The following PTDSS1 variants were observed in gnomAD, a reference collection of about 807,000 sequenced individuals.
PTDSS1 encodes the protein PSS-1.
A neutral mutation model predicts 70.5 loss-of-function variants in PTDSS1; 45 were observed. The observed-to-expected ratio is 0.64, with a 90% CI of 0.50 to 0.82. The LOEUF is 0.82. Among genes scored for constraint, PTDSS1 ranks in the 40% least tolerant of loss-of-function variants. The pLI is 0.00. For missense variants in PTDSS1, 417 were observed against 586.1 expected (o/e 0.71, Z 2.98); for synonymous variants, 188 against 203.8 (o/e 0.92, Z 0.66).
At chr8:96,278,972 C>CCCCT (rs1554582702) in intron 2 of PTDSS1, among the ~76,000 whole-genome samples, 4 of 122,630 alleles carry the variant, frequency 3.3e-5, no homozygotes, top group African/African-American at 1.3e-4. Flanking sequence ...TTCAGCCCCC[C>CCCCT]TTTTTTTTTT....
chr8:96,282,955 A>G (rs1810761832), intron 2 of PTDSS1, among the ~76,000 whole-genome samples: 1 of 152,080 alleles, frequency 6.6e-6, no homozygotes, highest in African/African-American at 2.4e-5. Flanking sequence ...CTGAGCTTCC[A>G]GAAACAGGCA....
intron 2 of PTDSS1, among the ~76,000 whole-genome samples, chr8:96,279,456 T>TA (rs772460972): frequency 1.1e-3 from 149 of 141,134 alleles, no homozygotes; most frequent in Middle Eastern, 3.6e-3. Flanking sequence ...CTTCTAAATT[T>TA]AAAAAAAAAA....
At chr8:96,274,378 G>T (rs1225578152) in intron 2 of PTDSS1, among the ~76,000 whole-genome samples, 1 of 152,078 alleles carries the variant, frequency 6.6e-6, no homozygotes, top group Admixed American at 6.5e-5. Context: ...TTCCTAAGAT[G>T]GTGGCAGTGG....
chr8:96,315,368 C>T (rs1317912349), intron 9 of PTDSS1, among the ~76,000 whole-genome samples: 1 of 151,710 alleles, frequency 6.6e-6, no homozygotes, highest in East Asian at 1.9e-4. Flanking sequence ...TACCCGGCCT[C>T]CATGTCCATG....
intron 1 of PTDSS1, 62 bp from the exon 2 acceptor site, chr8:96,273,237 T>A: frequency 8.1e-7 from 1 of 1,242,226 alleles, no homozygotes; most frequent in Non-Finnish European, 1.1e-6. Context: ...GAAATCTTCC[T>A]TCCTCTAGGT....
intron 3 of PTDSS1, among the ~76,000 whole-genome samples, chr8:96,284,879 C>T (rs1810800194): frequency 6.6e-6 from 1 of 152,192 alleles, no homozygotes; most frequent in Non-Finnish European, 1.5e-5. Context: ...TTCTAGGTAA[C>T]TCTTAGTCTC....
intron 5 of PTDSS1, among the ~76,000 whole-genome samples, chr8:96,298,572 C>T (rs575351273): frequency 5.6e-4 from 86 of 152,282 alleles, no homozygotes; most frequent in African/African-American, 1.0e-3. Context: ...TCTTCATCTC[C>T]ATCTCATGAA....
At chr8:96,319,495 T>A (rs1586207781) in intron 9 of PTDSS1, among the ~76,000 whole-genome samples, 1 of 150,460 alleles carries the variant, frequency 6.6e-6, no homozygotes, top group Admixed American at 6.6e-5. Flanking sequence ...TGGCGTTTCT[T>A]AAAAAAAAAC....
At chr8:96,284,674 G>A (rs1192969056) in intron 3 of PTDSS1, among the ~76,000 whole-genome samples, 2 of 152,136 alleles carry the variant, frequency 1.3e-5, no homozygotes, top group African/African-American at 4.8e-5. Context: ...ACTTAATTTT[G>A]TAGTCTAAAT....
intron 10 of PTDSS1, among the ~76,000 whole-genome samples, chr8:96,324,772 T>C (rs1811416646): frequency 6.6e-6 from 1 of 152,238 alleles, no homozygotes; most frequent in Non-Finnish European, 1.5e-5. Flanking sequence ...ATTCAAACCA[T>C]AGCAGTCACT....
intron 10 of PTDSS1, among the ~76,000 whole-genome samples, chr8:96,324,733 T>A (rs2130169801): frequency 6.6e-6 from 1 of 152,358 alleles, no homozygotes; most frequent in East Asian, 1.9e-4. Context: ...AGTTGGCAGT[T>A]AAGTTTCGAG....
rs531116642 is a variant in PTDSS1 at position 96,274,618 on chromosome 8, G to A, written c.271+1228G>A. On this transcript the variant is annotated intron_variant, in intron 2 of 12. Coordinates refer to ENST00000517309, the MANE Select transcript of PTDSS1 (RefSeq NM_014754.3). Reference sequence around the variant, plus strand: ...TGCGTGCCTGTAATCCCAGCTACTCGCGAAGCTGAGGCAGGAGAATCGTTT... The same window carrying A: ...TGCGTGCCTGTAATCCCAGCTACTCACGAAGCTGAGGCAGGAGAATCGTTT... Among the ~76,000 whole-genome samples, 27 of 152,278 alleles carry A rather than the reference G, an allele frequency of 1.8e-4. 1 individual carries two copies. Among genetic ancestry groups the A allele is most frequent in the Admixed American group, 1.6e-3 (24 of 15,304 alleles).
chr8:96,304,306 C>A, intron 7 of PTDSS1, 125 bp downstream of exon 7: 2 of 1,139,928 alleles, frequency 1.8e-6, no homozygotes, highest in East Asian at 2.6e-5. Context: ...ATATAATATT[C>A]TGCAGCTGGC....
chr8:96,285,220 C>G (rs927114188), intron 3 of PTDSS1, among the ~76,000 whole-genome samples: 3 of 152,152 alleles, frequency 2.0e-5, no homozygotes, highest in African/African-American at 7.2e-5. Context: ...AAAGAAGGAT[C>G]CAAGCCTGCA....
rs752158152 is a variant in PTDSS1 at position 96,262,020 on chromosome 8, G to C, written c.-21G>C. The C allele has an allele frequency of 1.2e-5, 20 of 1,605,336 alleles. No homozygotes were observed. Among genetic ancestry groups the C allele is most frequent in the Non-Finnish European group, 1.4e-5 (16 of 1,175,380 alleles). ...CTCGGGCTGGGGCCGCCGCCACCGC[G>C]GCAGGACGGGGAGGCGGGCCATGGC... On this transcript the variant is annotated 5_prime_UTR_variant, in exon 1 of 13. Transcript: ENST00000517309. The surrounding 1 kb of genome is among the most constrained non-coding windows in gnomAD (Gnocchi z 4.4).
At chr8:96,310,501 A>G (rs1429526357) in intron 9 of PTDSS1, among the ~76,000 whole-genome samples, 1 of 151,568 alleles carries the variant, frequency 6.6e-6, no homozygotes, top group Non-Finnish European at 1.5e-5. Flanking sequence ...TTAGGAAATC[A>G]GATGGTATTT....
intron 2 of PTDSS1, among the ~76,000 whole-genome samples, chr8:96,273,600 C>G (rs909573486): frequency 6.6e-6 from 1 of 152,188 alleles, no homozygotes; most frequent in Non-Finnish European, 1.5e-5. Flanking sequence ...CAGTTTCCTT[C>G]TATAAAATGG....
intron 11 of PTDSS1, 80 bp downstream of exon 11, chr8:96,330,361 G>GT: frequency 7.3e-7 from 1 of 1,361,390 alleles, no homozygotes; most frequent in South Asian, 1.2e-5. Context: ...GCACGTGCCT[G>GT]TAAGGATATG....
At chr8:96,306,311 G>A in intron 7 of PTDSS1, 133 bp from the exon 8 acceptor site, 1 of 694,756 alleles carries the variant, frequency 1.4e-6, no homozygotes, top group Non-Finnish European at 2.5e-6. Flanking sequence ...GCAATCCTTG[G>A]AAGACCACAT....
Sources: allele counts gnomAD v4.1 joint callset (sites outside exome capture counted in the v4.1 genomes callset), GRCh38; gene constraint gnomAD v4.1.1; non-coding constraint Gnocchi (gnomAD v3.1); transcripts MANE v1.5; gene names NCBI Gene and HGNC (gene_info 2026-07-23, HGNC 2026-07-21).